The following GPHN variants were observed in gnomAD, a reference collection of about 807,000 sequenced individuals.
The protein encoded by GPHN is gephyrin.
In GPHN, 17 loss-of-function variants were observed where a neutral mutation model predicts 95.5. The ratio of observed to expected loss-of-function variants is 0.18; its 90% CI spans 0.12 to 0.27. The LOEUF (loss-of-function observed/expected upper bound fraction) is 0.27. Ranked by LOEUF, GPHN falls within the 10% of genes least tolerant of loss-of-function variation. GPHN has a pLI of 1.00. For missense variants in GPHN, 660 were observed against 978.1 expected (o/e 0.67, Z 4.34); for synonymous variants, 320 against 322.5 (o/e 0.99, Z 0.08).
chr14:66,619,645 C>T (rs2063203295), intron 1 of GPHN, among the ~76,000 whole-genome samples: 1 of 152,094 alleles, frequency 6.6e-6, no homozygotes, highest in African/African-American at 2.4e-5. Flanking sequence ...TAAATATTTA[C>T]ACACAGTCTT....
intron 1 of GPHN, among the ~76,000 whole-genome samples, chr14:66,529,331 T>C (rs992561685): frequency 2.0e-5 from 3 of 152,118 alleles, no homozygotes; most frequent in African/African-American, 7.2e-5. Flanking sequence ...TTTATGTTCT[T>C]CTCTAAACTG....
chr14:67,713,660 A>G, the GPHN span, among the ~76,000 whole-genome samples: 1 of 152,190 alleles, frequency 6.6e-6, no homozygotes, highest in South Asian at 2.1e-4. Context: ...GACAGGTCTC[A>G]GTTAATTTGT....
intron 3 of GPHN, among the ~76,000 whole-genome samples, chr14:66,793,072 C>A (rs1023302327): frequency 6.6e-6 from 1 of 152,268 alleles, no homozygotes; most frequent in Admixed American, 6.5e-5. Context: ...TTCCCGTAAA[C>A]CCACAACCTT....
At chr14:67,622,010 T>C in the GPHN span, among the ~76,000 whole-genome samples, 1 of 152,160 alleles carries the variant, frequency 6.6e-6, no homozygotes, top group Admixed American at 6.5e-5. Context: ...GACAGAAGAA[T>C]TGCTTGAACC....
At chr14:67,004,480 G>C (rs2072462925) in intron 9 of GPHN, among the ~76,000 whole-genome samples, 1 of 151,616 alleles carries the variant, frequency 6.6e-6, no homozygotes. Context: ...TTGAAATATT[G>C]TCCATTTTTT....
the GPHN span, among the ~76,000 whole-genome samples, chr14:67,413,676 C>T: frequency 2.0e-3 from 305 of 152,310 alleles, 2 homozygotes; most frequent in African/African-American, 7.1e-3. Flanking sequence ...CCAAGGAAAA[C>T]TCGCAGGGTC....
chr14:67,301,199 T>A, the GPHN span, among the ~76,000 whole-genome samples: 1 of 152,326 alleles, frequency 6.6e-6, no homozygotes, highest in East Asian at 1.9e-4. Flanking sequence ...TTAGTGTTTT[T>A]TTAATAAGAA....
At chr14:67,586,454 A>C in the GPHN span, 1 of 1,292,460 alleles carries the variant, frequency 7.7e-7, no homozygotes, top group Non-Finnish European at 1.0e-6. Flanking sequence ...ATTCCTCTTT[A>C]AGGTGCTCGC....
intron 2 of GPHN, among the ~76,000 whole-genome samples, chr14:66,756,765 T>C (rs561699888): frequency 1.3e-5 from 2 of 152,298 alleles, no homozygotes; most frequent in East Asian, 3.9e-4. Flanking sequence ...AAATAAATGC[T>C]TTCAGTTATT....
intron 11 of GPHN, among the ~76,000 whole-genome samples, chr14:67,068,520 G>C (rs1034629121): frequency 6.6e-6 from 1 of 152,094 alleles, no homozygotes; most frequent in Admixed American, 6.5e-5. Flanking sequence ...ACTTCTGTAA[G>C]GCAGATTAAA....
At chr14:66,800,585 T>C (rs1760422020) in intron 3 of GPHN, among the ~76,000 whole-genome samples, 1 of 151,878 alleles carries the variant, frequency 6.6e-6, no homozygotes, top group South Asian at 2.1e-4. Flanking sequence ...GTAGTTTTTT[T>C]TTTATTTTTC....
chr14:67,342,085 A>G, the GPHN span, among the ~76,000 whole-genome samples: 1 of 151,950 alleles, frequency 6.6e-6, no homozygotes, highest in Admixed American at 6.6e-5. Context: ...AAAACCAGAG[A>G]CCTTTGTTCA....
chr14:67,576,110 T>A, the GPHN span: 1 of 876,160 alleles, frequency 1.1e-6, no homozygotes, highest in Non-Finnish European at 1.8e-6. The surrounding 1 kb of genome is among the most constrained non-coding windows in gnomAD (Gnocchi z 4.0). Flanking sequence ...TATTTCCTTT[T>A]GGACACTTTG....
At chr14:67,344,783 G>A in the GPHN span, among the ~76,000 whole-genome samples, 4 of 151,932 alleles carry the variant, frequency 2.6e-5, no homozygotes, top group African/African-American at 7.3e-5. Flanking sequence ...TTGGGAGGCT[G>A]AGGCGGGAGA....
rs77194571 is a variant in GPHN at position 67,096,876 on chromosome 14, C to A, written c.1238-3980C>A. 1.3e-3 allele frequency among the ~76,000 whole-genome samples: 196 copies of A among 151,836 alleles called. 4 individuals carry two copies. In the East Asian group the frequency reaches 0.035, roughly 27 times the overall value. On this transcript the variant is annotated intron_variant, in intron 12 of 22. Coordinates refer to ENST00000478722, the MANE Select transcript of GPHN (RefSeq NM_020806.5). ...CCTGAGCTGAAGTGATTTGCCCAGC[C>A]AAAGCAGTCTTTCTAAACATTCTTA... is the stretch of plus-strand genomic sequence containing the variant.
At chr14:67,200,135 G>C in the GPHN span, 2 of 1,110,006 alleles carry the variant, frequency 1.8e-6, no homozygotes, top group Non-Finnish European at 2.6e-6. Flanking sequence ...CCTCCATTCT[G>C]ATCTCCCATG....
intron 1 of GPHN, among the ~76,000 whole-genome samples, chr14:66,646,875 C>T (rs2064778526): frequency 6.6e-6 from 1 of 151,896 alleles, no homozygotes; most frequent in Admixed American, 6.6e-5. Context: ...TTTTGTGTGT[C>T]TTTTACCACA....
At chr14:66,961,165 C>G (rs2068875312) in intron 8 of GPHN, among the ~76,000 whole-genome samples, 2 of 152,034 alleles carry the variant, frequency 1.3e-5, no homozygotes, top group Admixed American at 1.3e-4. Flanking sequence ...GAAATGTGGA[C>G]TGTTGTCTTC....
At chr14:66,932,487 A>G (rs1046056442) in intron 8 of GPHN, among the ~76,000 whole-genome samples, 3 of 86,796 alleles carry the variant, frequency 3.5e-5, no homozygotes, top group African/African-American at 1.3e-4. Context: ...TTTTCAGTGC[A>G]GCAGGTCCCC....
Sources: gnomAD v4.1 joint callset for allele counts (sites outside exome capture counted in the v4.1 genomes callset) on GRCh38, gnomAD v4.1.1 for gene constraint, Gnocchi (gnomAD v3.1) non-coding constraint, MANE v1.5 for transcripts, NCBI Gene and HGNC (gene_info 2026-07-23, HGNC 2026-07-21) for gene names.